Variants in SDSL observed in about 807,000 individuals in gnomAD.
The protein encoded by SDSL is serine dehydratase-like.
Under a neutral mutation model 27.6 loss-of-function variants are expected in SDSL, and 26 were observed. That is an observed-to-expected ratio of 0.94 (90% CI 0.69 to 1.31). The LOEUF (loss-of-function observed/expected upper bound fraction) is 1.31, where lower values mean the gene tolerates loss of function less well. Among genes scored for constraint, SDSL ranks in the 50% most tolerant of loss-of-function variants. The pLI, the probability that SDSL is intolerant of heterozygous loss-of-function variation, is 0.00. For synonymous variants in SDSL, 196 were observed against 180.6 expected (o/e 1.09, Z -0.69); for missense variants, 431 against 423.5 (o/e 1.02, Z -0.16).
In SDSL at chr12:113,438,251, C is replaced by T. The variant is rs1290319127; in HGVS notation, c.*172C>T. Reference sequence around the variant, plus strand: ...GCTTCTTTTGGCTCTCCGACAACTCCGGCCAATAAACACTTTCTGAATTGA... The same window carrying T: ...GCTTCTTTTGGCTCTCCGACAACTCTGGCCAATAAACACTTTCTGAATTGA... On this transcript the variant is annotated 3_prime_UTR_variant, in exon 8 of 8. Transcript: ENST00000403593. 7.6e-6 allele frequency: 4 copies of T among 527,832 alleles called. No homozygotes were observed. The highest frequency in any genetic ancestry group is 9.9e-6 in the Non-Finnish European group (3 of 301,590). 32.7% of individuals were successfully genotyped at this position (527,832 alleles called of 1,614,324 possible).
intron 7 of SDSL, among the ~76,000 whole-genome samples, chr12:113,437,400 G>A (rs189471518): frequency 6.6e-6 from 1 of 152,338 alleles, no homozygotes; most frequent in East Asian, 1.9e-4. Flanking sequence ...GAATATATGA[G>A]TGAGTGGAAA....
At chr12:113,427,887 C>T (rs1957868423) in intron 1 of SDSL, 75 bp from the exon 2 acceptor site, 3 of 1,383,676 alleles carry the variant, frequency 2.2e-6, no homozygotes, top group Non-Finnish European at 2.9e-6. Context: ...GCTTTCTCCA[C>T]CTTCCCCTCC....
chr12:113,431,004 C>T (rs1029431549), intron 4 of SDSL, among the ~76,000 whole-genome samples: 7 of 152,304 alleles, frequency 4.6e-5, no homozygotes, highest in African/African-American at 1.7e-4. Context: ...TGGGCTGTGC[C>T]TTAGATTTGG....
At position 113,428,311 on chromosome 12, in the gene SDSL, G is replaced by A. The variant is rs1354255153; in HGVS notation, c.175-109G>A. The A allele has an allele frequency of 3.0e-6, 4 of 1,316,872 alleles. No individual in the cohort carries two copies. In the African/African-American group the frequency reaches 5.8e-5, roughly 19 times the overall value. The allele number at this position is 1,316,872 out of a possible 1,614,324, so 81.6% of individuals were successfully genotyped here. The stretch of plus-strand genomic sequence containing the variant: ...AAGGGCAGGGCTGTGGGCAGGATGA[G>A]GGGTAAAGGCGTATTGGGAGTGGGA... On this transcript the variant is annotated intron_variant, in intron 2 of 7. Transcript: ENST00000403593.
Position 113,428,358 on chromosome 12 carries a change from C to T in SDSL, c.175-62C>T, listed in dbSNP as rs1957876777. Reference sequence around the variant, plus strand: ...GGGATGGGGAGACTCTAACGCCATTCCACATAGGCCTTCATGACACCTGCT... The same window carrying T: ...GGGATGGGGAGACTCTAACGCCATTTCACATAGGCCTTCATGACACCTGCT... On this transcript the variant is annotated intron_variant, in intron 2 of 7. Coordinates refer to ENST00000403593, the MANE Select transcript of SDSL (RefSeq NM_001304993.2). 6.5e-6 allele frequency: 10 copies of T among 1,540,346 alleles called. No individual in the cohort carries two copies. In the Middle Eastern group the frequency reaches 8.6e-4, roughly 132 times the overall value.
chr12:113,437,062 G>C (rs1166227628), intron 7 of SDSL, 187 bp downstream of exon 7: 1 of 471,586 alleles, frequency 2.1e-6, no homozygotes, highest in Non-Finnish European at 3.5e-6. Context: ...GTATCTTGCT[G>C]TCTCTAGCCC....
intron 6 of SDSL, among the ~76,000 whole-genome samples, chr12:113,435,990 G>A (rs897205340): frequency 2.6e-5 from 4 of 152,058 alleles, no homozygotes; most frequent in African/African-American, 7.2e-5. Flanking sequence ...GCATGGTAGC[G>A]CACGCCTGTA....
intron 7 of SDSL, among the ~76,000 whole-genome samples, chr12:113,437,356 AGGCACTCAATAGATGTTTGTT>A (rs1343861101): frequency 5.3e-5 from 8 of 152,216 alleles, no homozygotes; most frequent in Non-Finnish European, 1.0e-4. Context: ...GGCAGGTAGT[AGGCACTCAATAGATGTTTGTT>A]GATTGAAGGG....
intron 4 of SDSL, 110 bp downstream of exon 4, chr12:113,429,409 C>G (rs1359960742): frequency 1.1e-5 from 13 of 1,218,634 alleles, no homozygotes; most frequent in Non-Finnish European, 1.5e-5. Context: ...GTGGCTGGGA[C>G]CCAGTCCTCT....
At chr12:113,436,659 G>C in intron 6 of SDSL, 92 bp from the exon 7 acceptor site, 1 of 1,314,426 alleles carries the variant, frequency 7.6e-7, no homozygotes, top group Middle Eastern at 2.7e-4. Flanking sequence ...ATGGCAGGAT[G>C]GGAGGGGGTG....
Position 113,435,490 on chromosome 12 carries a change from A to G in SDSL, c.605A>G (p.His202Arg), listed in dbSNP as rs1311380053. The change falls in exon 6 of 8, where the codon CAT becomes CGT. Residue 202 changes from histidine (H) to arginine (R), a missense_variant. By Grantham distance (29) the His-to-Arg change is conservative. Coordinates refer to ENST00000403593, the MANE Select transcript of SDSL (RefSeq NM_001304993.2). ...GTACCCATCATTGCCATGGAGACCCATGGGGCACACTGCTTCAATGCGGCC... is the reference window on the plus strand; with the variant it reads ...GTACCCATCATTGCCATGGAGACCCGTGGGGCACACTGCTTCAATGCGGCC... Reference protein sequence around the residue: ...QHVPIIAMETHGAHCFNAAIT... With the variant: ...QHVPIIAMETRGAHCFNAAIT... The G allele has an allele frequency of 2.5e-6, 4 of 1,614,008 alleles. No individual in the cohort carries two copies. Among genetic ancestry groups the G allele is most frequent in the Middle Eastern group, 1.6e-4 (1 of 6,084 alleles).
chr12:113,433,111 G>C (rs1246030386), intron 4 of SDSL, among the ~76,000 whole-genome samples: 1 of 152,184 alleles, frequency 6.6e-6, no homozygotes, highest in East Asian at 1.9e-4. Flanking sequence ...TATTGGAGCT[G>C]AACTCATTTG....
Position 113,422,484 on chromosome 12 carries a change from G to C in SDSL, c.-22+7G>C, listed in dbSNP as rs551459907. On this transcript the variant is annotated splice_region_variant and intron_variant, in intron 1 of 7. Transcript: ENST00000403593. ...GGGATAGTTGGGCAGGGAGGTAAGG[G>C]GTCTGGGGCCAGCTGGGGCCCCTGG... The C allele has an allele frequency of 6.5e-6, 1 of 153,046 alleles. No homozygotes were observed. The highest frequency in any genetic ancestry group is 6.5e-5 in the Admixed American group (1 of 15,276). 9.5% of individuals were successfully genotyped at this position (153,046 alleles called of 1,614,324 possible). A position where few individuals can be genotyped will look rare whatever the true frequency, so the allele number is the denominator to read the frequency against.
chr12:113,426,169 C>G (rs1336688386), intron 1 of SDSL: 5 of 455,980 alleles, frequency 1.1e-5, no homozygotes, highest in African/African-American at 1.0e-4. Context: ...CAAACCCCTT[C>G]TGTCTGCATC....
chr12:113,436,816 A>G lies in SDSL; in HGVS notation c.737A>G (p.Lys246Arg), dbSNP rs765563212. The G allele has an allele frequency of 5.0e-6, 8 of 1,612,238 alleles. No homozygotes were observed. In the African/African-American group the frequency reaches 8.0e-5, roughly 16 times the overall value. The change falls in exon 7 of 8, where the codon AAG becomes AGG. Residue 246 changes from lysine to arginine, a missense_variant. Coordinates refer to ENST00000403593, the MANE Select transcript of SDSL (RefSeq NM_001304993.2). ...GCCCTGGAGTGCATGCAGGTGTGCAAGATTCACTCTGAAGTGGTGGAGGAC... is the reference window on the plus strand; with the variant it reads ...GCCCTGGAGTGCATGCAGGTGTGCAGGATTCACTCTGAAGTGGTGGAGGAC... ...ARALECMQVC[K>R]IHSEVVEDTE...
intron 4 of SDSL, among the ~76,000 whole-genome samples, chr12:113,430,736 A>G (rs1328556509): frequency 6.6e-6 from 1 of 152,222 alleles, no homozygotes; most frequent in Admixed American, 6.5e-5. Flanking sequence ...AGTGAGAAGA[A>G]CAGCAAAGCC....
chr12:113,431,763 G>A (rs574742175), intron 4 of SDSL, among the ~76,000 whole-genome samples: 3 of 142,760 alleles, frequency 2.1e-5, no homozygotes, highest in East Asian at 2.0e-4. Flanking sequence ...TTTTTGAGAC[G>A]AGTCTCGCTC....
chr12:113,429,857 G>C (rs944357965), intron 4 of SDSL, among the ~76,000 whole-genome samples: 3 of 152,066 alleles, frequency 2.0e-5, no homozygotes, highest in African/African-American at 7.2e-5. Flanking sequence ...ACTATGGTAC[G>C]TTAAAGCTGG....
chr12:113,428,240 G>T, intron 2 of SDSL, 84 bp downstream of exon 2: 1 of 1,406,682 alleles, frequency 7.1e-7, no homozygotes. Flanking sequence ...GGACGGGTTC[G>T]GGCAGGAGGG....
Sources: gnomAD v4.1 joint callset for allele counts (sites outside exome capture counted in the v4.1 genomes callset) on GRCh38, gnomAD v4.1.1 for gene constraint, MANE v1.5 for transcripts, NCBI Gene and HGNC (gene_info 2026-07-23, HGNC 2026-07-21) for gene names.